The following NEGR1 variants were observed in gnomAD, a reference collection of about 807,000 sequenced individuals.
NEGR1 encodes the protein IgLON family member 4.
In NEGR1, 10 loss-of-function variants were observed where a neutral mutation model predicts 40.9. The ratio of observed to expected loss-of-function variants is 0.24; its 90% CI spans 0.15 to 0.42. NEGR1 has a LOEUF of 0.42. Ranked by LOEUF, NEGR1 falls within the 10% of genes least tolerant of loss-of-function variation. The pLI is 1.00. For missense variants in NEGR1, 352 were observed against 438.9 expected (o/e 0.80, Z 1.77); for synonymous variants, 185 against 166.8 (o/e 1.11, Z -0.84).
chr1:71,898,608 C>G (rs535348757), intron 2 of NEGR1, among the ~76,000 whole-genome samples: 2 of 151,962 alleles, frequency 1.3e-5, no homozygotes, highest in African/African-American at 4.8e-5. Flanking sequence ...GAGCGAGACT[C>G]CGTCTCAAAA....
chr1:71,934,110 T>G (rs2100228134), intron 2 of NEGR1, among the ~76,000 whole-genome samples: 1 of 152,216 alleles, frequency 6.6e-6, no homozygotes, highest in African/African-American at 2.4e-5. Flanking sequence ...ACATAATTTG[T>G]TATTAATTTT....
chr1:72,011,436 A>G (rs949313683), intron 1 of NEGR1, among the ~76,000 whole-genome samples: 2 of 152,044 alleles, frequency 1.3e-5, no homozygotes, highest in African/African-American at 2.4e-5. Context: ...AAACACTCTT[A>G]GATATTACAA....
intron 1 of NEGR1, among the ~76,000 whole-genome samples, chr1:71,989,431 C>T (rs1363021663): frequency 1.3e-5 from 2 of 152,088 alleles, no homozygotes; most frequent in Non-Finnish European, 2.9e-5. Flanking sequence ...AATTAATGAG[C>T]CAGTAAGTGA....
intron 1 of NEGR1, among the ~76,000 whole-genome samples, chr1:72,275,868 A>G (rs920114862): frequency 3.3e-5 from 5 of 152,080 alleles, no homozygotes; most frequent in African/African-American, 1.2e-4. Flanking sequence ...AGCTTGAGGC[A>G]TAAGGATGGC....
At chr1:71,795,449 A>T (rs1657289187) in intron 2 of NEGR1, among the ~76,000 whole-genome samples, 1 of 152,102 alleles carries the variant, frequency 6.6e-6, no homozygotes, top group Admixed American at 6.6e-5. Context: ...TTCTCAAAAT[A>T]TATCAATTCA....
chr1:71,463,111 T>C (rs1394980534), intron 6 of NEGR1, among the ~76,000 whole-genome samples: 1 of 152,180 alleles, frequency 6.6e-6, no homozygotes, highest in East Asian at 1.9e-4. Flanking sequence ...GACAAATGTC[T>C]GTTTTCATGT....
At chr1:71,924,749 C>T (rs1645756408) in intron 2 of NEGR1, among the ~76,000 whole-genome samples, 1 of 152,114 alleles carries the variant, frequency 6.6e-6, no homozygotes, top group Non-Finnish European at 1.5e-5. Context: ...TTGTAGAATG[C>T]TGGTGTCTTA....
At chr1:71,850,966 G>C (rs1320686571) in intron 2 of NEGR1, among the ~76,000 whole-genome samples, 1 of 152,094 alleles carries the variant, frequency 6.6e-6, no homozygotes, top group Non-Finnish European at 1.5e-5. Flanking sequence ...TAGTCTCATG[G>C]ACCATGTGCC....
chr1:71,599,423 A>C (rs1171851820), intron 5 of NEGR1, among the ~76,000 whole-genome samples: 4 of 152,236 alleles, frequency 2.6e-5, no homozygotes, highest in South Asian at 2.1e-4. Flanking sequence ...AGCTTTTCAC[A>C]GATTTAACAA....
intron 6 of NEGR1, among the ~76,000 whole-genome samples, chr1:71,522,098 A>G (rs1647161313): frequency 6.6e-6 from 1 of 152,052 alleles, no homozygotes; most frequent in African/African-American, 2.4e-5. Flanking sequence ...GGGTGCACAC[A>G]CATGTCCTTG....
chr1:71,822,130 G>A (rs966973179), intron 2 of NEGR1, among the ~76,000 whole-genome samples: 1 of 151,922 alleles, frequency 6.6e-6, no homozygotes, highest in Non-Finnish European at 1.5e-5. Flanking sequence ...GTGAGTGAGG[G>A]CTTTAGGCAG....
chr1:71,547,122 C>T (rs1434436328), intron 6 of NEGR1, among the ~76,000 whole-genome samples: 2 of 151,742 alleles, frequency 1.3e-5, no homozygotes, highest in Non-Finnish European at 3.0e-5. Context: ...AATTCCTTTT[C>T]TTCCAGAAAG....
chr1:71,920,956 T>C (rs188290122), intron 2 of NEGR1, among the ~76,000 whole-genome samples: 2 of 152,268 alleles, frequency 1.3e-5, no homozygotes, highest in East Asian at 3.9e-4. Context: ...GCTCTAATAT[T>C]CATTAAGGAT....
intron 6 of NEGR1, among the ~76,000 whole-genome samples, chr1:71,458,975 A>G (rs1646695099): frequency 6.6e-6 from 1 of 152,114 alleles, no homozygotes; most frequent in Admixed American, 6.5e-5. Context: ...CCTGATACAC[A>G]AATCAAACCA....
intron 1 of NEGR1, among the ~76,000 whole-genome samples, chr1:72,079,110 T>TATATATATATATAA (rs1491542854): frequency 1.4e-5 from 2 of 143,324 alleles, no homozygotes; most frequent in East Asian, 4.3e-4. Flanking sequence ...TATATATATA[T>TATATATATATATAA]AATATTATAT....
At chr1:71,843,610 A>T (rs17575037) in intron 2 of NEGR1, among the ~76,000 whole-genome samples, 3,211 of 152,256 alleles carry the variant, frequency 0.021, 62 homozygotes, top group Non-Finnish European at 0.033. Context: ...CTGTTATCAC[A>T]GGAGACAGTT....
At chr1:71,882,015 C>G (rs1363285946) in intron 2 of NEGR1, among the ~76,000 whole-genome samples, 1 of 152,076 alleles carries the variant, frequency 6.6e-6, no homozygotes, top group African/African-American at 2.4e-5. Flanking sequence ...TAATCTGTAA[C>G]TGACAGATGT....
chr1:72,224,457 A>C (rs1346329659), intron 1 of NEGR1, among the ~76,000 whole-genome samples: 1 of 152,122 alleles, frequency 6.6e-6, no homozygotes, highest in Non-Finnish European at 1.5e-5. Context: ...AGTTCCATGC[A>C]CAAGACACAC....
At chr1:71,679,590 A>G (rs1036877581) in intron 4 of NEGR1, among the ~76,000 whole-genome samples, 1 of 152,108 alleles carries the variant, frequency 6.6e-6, no homozygotes, top group African/African-American at 2.4e-5. Context: ...ACAGAACACA[A>G]TATCATCCAC....
Sources: gnomAD v4.1 joint callset for allele counts (sites outside exome capture counted in the v4.1 genomes callset) on GRCh38, gnomAD v4.1.1 for gene constraint, MANE v1.5 for transcripts, NCBI Gene and HGNC (gene_info 2026-07-23, HGNC 2026-07-21) for gene names.